DLG2: variants seen among roughly 807,000 people sequenced by gnomAD.
DLG2 encodes disks large homolog 2.
Under a neutral mutation model 132.5 loss-of-function variants are expected in DLG2, and 45 were observed. The observed-to-expected ratio is 0.34, with a 90% CI of 0.27 to 0.44. The LOEUF (loss-of-function observed/expected upper bound fraction) is 0.44, where lower values mean the gene tolerates loss of function less well. DLG2 is among the 20% of genes least tolerant of loss of function. DLG2 has a pLI of 1.00. For missense variants in DLG2, 1,045 were observed against 1,196.9 expected (o/e 0.87, Z 1.87); for synonymous variants, 424 against 419.6 (o/e 1.01, Z -0.13).
intron 6 of DLG2, among the ~76,000 whole-genome samples, chr11:84,803,546 G>T (rs1048449509): frequency 6.6e-6 from 1 of 152,156 alleles, no homozygotes; most frequent in Non-Finnish European, 1.5e-5. Flanking sequence ...CAGTGATTTA[G>T]ACTCAGGGTT....
chr11:83,900,402 T>C (rs1463684879), intron 15 of DLG2, among the ~76,000 whole-genome samples: 1 of 152,134 alleles, frequency 6.6e-6, no homozygotes, highest in Non-Finnish European at 1.5e-5. Context: ...TGGCAGCCCC[T>C]CCCATCACAG....
At position 84,236,936 on chromosome 11, in the gene DLG2, T is replaced by TG. The variant is rs1361974069; in HGVS notation, c.573+14301_573+14302insC. Among the ~76,000 whole-genome samples the TG allele has an allele frequency of 8.5e-5, 7 of 82,530 alleles. 1 individual carries two copies. The East Asian group carries it at 1.1e-3, about 13-fold the overall frequency. The allele number at this position is 82,530 out of a possible 152,430, so 54.1% of individuals were successfully genotyped here. A position where few individuals can be genotyped will look rare whatever the true frequency, so the allele number is the denominator to read the frequency against. On this transcript the variant is annotated intron_variant, in intron 8 of 27. Coordinates refer to ENST00000376104, the MANE Select transcript of DLG2 (RefSeq NM_001142699.3). Reference sequence around the variant, plus strand: ...AAGCATCAGTATGTTTTTTTTTTTGTTTTTTTTTTTGAGATGGAGTCTCAC... The same window carrying TG: ...AAGCATCAGTATGTTTTTTTTTTTGTGTTTTTTTTTTGAGATGGAGTCTCAC...
At chr11:84,543,661 A>G (rs2099383827) in intron 6 of DLG2, among the ~76,000 whole-genome samples, 1 of 152,170 alleles carries the variant, frequency 6.6e-6, no homozygotes, top group Non-Finnish European at 1.5e-5. Flanking sequence ...TATCTTCAAA[A>G]TAATCACCCT....
intron 3 of DLG2, among the ~76,000 whole-genome samples, chr11:85,291,586 T>A (rs1313790838): frequency 5.5e-3 from 4 of 722 alleles, no homozygotes; most frequent in Non-Finnish European, 0.014. Context: ...GATTCTCTTC[T>A]TTTTTTTTTT....
At chr11:84,633,598 G>A (rs538399339) in intron 6 of DLG2, among the ~76,000 whole-genome samples, 4 of 150,476 alleles carry the variant, frequency 2.7e-5, no homozygotes, top group Admixed American at 6.6e-5. Flanking sequence ...ATTTCTCACC[G>A]TGTATTATGA....
chr11:85,477,245 T>C (rs1241135417), intron 3 of DLG2, among the ~76,000 whole-genome samples: 2 of 152,232 alleles, frequency 1.3e-5, no homozygotes, highest in Non-Finnish European at 2.9e-5. Flanking sequence ...TGTTTCTAGA[T>C]AGCTGGCTAT....
chr11:84,614,593 G>C (rs1856821670), intron 6 of DLG2, among the ~76,000 whole-genome samples: 1 of 152,182 alleles, frequency 6.6e-6, no homozygotes, highest in Non-Finnish European at 1.5e-5. Flanking sequence ...TGTAGTCAGG[G>C]AGACCAGTTG....
At chr11:84,499,749 C>CCTCTCT (rs145968511) in intron 7 of DLG2, among the ~76,000 whole-genome samples, 3 of 148,410 alleles carry the variant, frequency 2.0e-5, no homozygotes, top group Non-Finnish European at 1.5e-5. Context: ...TATATTCCTT[C>CCTCTCT]CTCTCTCTCT....
intron 3 of DLG2, among the ~76,000 whole-genome samples, chr11:85,332,374 T>A (rs2081823417): frequency 6.6e-6 from 1 of 152,186 alleles, no homozygotes. Flanking sequence ...AGACCTCTGT[T>A]GAATGCACAG....
At chr11:85,209,427 GGGC>G (rs1411766173) in intron 4 of DLG2, among the ~76,000 whole-genome samples, 1 of 131,320 alleles carries the variant, frequency 7.6e-6, no homozygotes, top group East Asian at 2.2e-4. Flanking sequence ...CTGAACTTAT[GGGC>G]ACAAAGAAAT....
chr11:85,026,875 C>A (rs749746676), intron 6 of DLG2, among the ~76,000 whole-genome samples: 1 of 151,780 alleles, frequency 6.6e-6, no homozygotes, highest in Non-Finnish European at 1.5e-5. Context: ...ATAAAATAAG[C>A]GTATTCTTTC....
At chr11:83,694,214 G>A (rs1025153654) in intron 18 of DLG2, among the ~76,000 whole-genome samples, 1 of 152,184 alleles carries the variant, frequency 6.6e-6, no homozygotes, top group African/African-American at 2.4e-5. Context: ...TCAAACAAAT[G>A]AAAAGCATTA....
intron 6 of DLG2, among the ~76,000 whole-genome samples, chr11:84,862,605 T>C (rs559273568): frequency 6.6e-6 from 1 of 151,606 alleles, no homozygotes; most frequent in Non-Finnish European, 1.5e-5. Context: ...ATAAAGAAAA[T>C]GTGGCACATA....
chr11:84,168,176 G>T (rs995883788), intron 8 of DLG2, among the ~76,000 whole-genome samples: 5 of 152,064 alleles, frequency 3.3e-5, no homozygotes, highest in Admixed American at 1.3e-4. Context: ...CTTTAAAGAG[G>T]CACCGAAACA....
At chr11:85,478,084 T>G (rs1379691674) in intron 3 of DLG2, among the ~76,000 whole-genome samples, 1 of 152,096 alleles carries the variant, frequency 6.6e-6, no homozygotes, top group East Asian at 1.9e-4. Context: ...CATAGCTCAC[T>G]GCAGCCTCAA....
intron 6 of DLG2, among the ~76,000 whole-genome samples, chr11:84,685,048 T>C (rs1244447026): frequency 1.3e-5 from 2 of 152,184 alleles, no homozygotes; most frequent in Non-Finnish European, 2.9e-5. Flanking sequence ...CAACAACCTC[T>C]TAAGGGAATT....
chr11:83,459,743 C>T lies in DLG2; in HGVS notation c.*75G>A, dbSNP rs1452218462. On this transcript the variant is annotated 3_prime_UTR_variant, in exon 28 of 28. Transcript: ENST00000376104. ...CATAAATGCAACAAAAACATAAAAGCCTCCAAGTAGTATGTTATATATATT... is the reference window on the plus strand; with the variant it reads ...CATAAATGCAACAAAAACATAAAAGTCTCCAAGTAGTATGTTATATATATT... The T allele has an allele frequency of 3.9e-6, 3 of 776,686 alleles. No individual in the cohort carries two copies. The Admixed American group carries it at 6.4e-5, about 17-fold the overall frequency. The allele number at this position is 776,686 out of a possible 1,614,324, so 48.1% of individuals were successfully genotyped here.
At chr11:84,393,004 T>G (rs1289190463) in intron 7 of DLG2, among the ~76,000 whole-genome samples, 2 of 152,196 alleles carry the variant, frequency 1.3e-5, no homozygotes, top group Non-Finnish European at 2.9e-5. Flanking sequence ...TAAAAAGACA[T>G]TGGTACTCAT....
At chr11:85,142,513 G>A (rs2076561276) in intron 5 of DLG2, among the ~76,000 whole-genome samples, 1 of 151,702 alleles carries the variant, frequency 6.6e-6, no homozygotes, top group African/African-American at 2.4e-5. Flanking sequence ...CTATGAACAA[G>A]AATAATTTGA....
Sources: gnomAD v4.1 joint callset for allele counts (sites outside exome capture counted in the v4.1 genomes callset) on GRCh38, gnomAD v4.1.1 for gene constraint, MANE v1.5 for transcripts, NCBI Gene and HGNC (gene_info 2026-07-23, HGNC 2026-07-21) for gene names.